Variants in VIT observed in about 807,000 individuals in gnomAD.
VIT encodes vitrin.
A neutral mutation model predicts 78.0 loss-of-function variants in VIT; 99 were observed. The observed-to-expected ratio is 1.27, with a 90% CI of 1.08 to 1.50. VIT has a LOEUF of 1.50. Among genes scored for constraint, VIT ranks in the 40% most tolerant of loss-of-function variants. The probability of loss-of-function intolerance (pLI) is 0.00; values close to 1 mark genes in which losing one functional copy is unlikely to be tolerated. For synonymous variants in VIT, 374 were observed against 334.3 expected, an observed-to-expected ratio of 1.12 and a Z score of -1.29; for missense variants, 1,126 against 875.3, an observed-to-expected ratio of 1.29 and a Z score of -3.61.
chr2:36,763,470 T>G (rs1004500525), intron 6 of VIT, among the ~76,000 whole-genome samples: 8 of 151,968 alleles, frequency 5.3e-5, no homozygotes, highest in Non-Finnish European at 1.2e-4. Flanking sequence ...TTCAAATGGC[T>G]CAAAAAGAAC....
intron 12 of VIT, among the ~76,000 whole-genome samples, chr2:36,791,904 G>A (rs1216419403): frequency 6.6e-6 from 1 of 152,072 alleles, no homozygotes; most frequent in Non-Finnish European, 1.5e-5. Context: ...TGGCAACGAG[G>A]ACCACTCTGT....
chr2:36,702,673 G>A (rs1665138690), intron 1 of VIT, among the ~76,000 whole-genome samples: 1 of 152,114 alleles, frequency 6.6e-6, no homozygotes, highest in Non-Finnish European at 1.5e-5. Context: ...GTACAGGGAG[G>A]AAAGGTGAGA....
intron 6 of VIT, among the ~76,000 whole-genome samples, chr2:36,764,334 T>G (rs1251348040): frequency 2.6e-5 from 4 of 152,202 alleles, no homozygotes; most frequent in Admixed American, 2.6e-4. Context: ...CTAGATGAAG[T>G]AGGTCAAACC....
At chr2:36,812,410 C>T (rs530763509) in intron 15 of VIT, among the ~76,000 whole-genome samples, 17 of 151,194 alleles carry the variant, frequency 1.1e-4, no homozygotes, top group Middle Eastern at 3.4e-3. Context: ...GAAGGTGGCG[C>T]GAGAATAGGC....
At chr2:36,796,084 T>TA (rs1311403504) in intron 12 of VIT, among the ~76,000 whole-genome samples, 1 of 145,510 alleles carries the variant, frequency 6.9e-6, no homozygotes, top group African/African-American at 2.6e-5. Flanking sequence ...AGCCTAAACT[T>TA]ACGAATTCAT....
Position 36,758,201 on chromosome 2 carries a change from T to C in VIT, c.410-768T>C, listed in dbSNP as rs1668882900. Among the ~76,000 whole-genome samples the C allele has an allele frequency of 2.6e-5, 4 of 152,240 alleles. No individual in the cohort carries two copies. In the South Asian group the frequency reaches 8.3e-4, roughly 31 times the overall value. On this transcript the variant is annotated intron_variant, in intron 5 of 15. Coordinates refer to ENST00000379242, the MANE Select transcript of VIT (RefSeq NM_053276.4). ...TATTCCCCCACTGAATAAATACTTCTTGAGCAACTGCTTCACGCCAGGAAC... is the reference window on the plus strand; with the variant it reads ...TATTCCCCCACTGAATAAATACTTCCTGAGCAACTGCTTCACGCCAGGAAC...
chr2:36,756,080 C>A (rs190470678), intron 5 of VIT, among the ~76,000 whole-genome samples: 113 of 151,514 alleles, frequency 7.5e-4, no homozygotes, highest in African/African-American at 2.6e-3. Flanking sequence ...GCCTCAGCCT[C>A]CCGAGTAGCT....
In VIT at chr2:36,785,403, G is replaced by GA. The variant is rs201304788; in HGVS notation, c.911-1716dup. ...ACAATTCACACTGCAAGCCCCGCCA[G>GA]AAAAAAAAAATGAGTTGGCCTTGCT... On this transcript the variant is annotated intron_variant, in intron 11 of 15. Coordinates refer to ENST00000379242, the MANE Select transcript of VIT (RefSeq NM_053276.4). 6.3e-3 allele frequency among the ~76,000 whole-genome samples: 933 copies of GA among 149,208 alleles called. 13 individuals carry two copies. Among genetic ancestry groups the GA allele is most frequent in the African/African-American group, 0.02 (832 of 40,804 alleles).
rs1667938552 is a variant in VIT at position 36,743,192 on chromosome 2, T to C, written c.211T>C (p.Tyr71His). The C allele has an allele frequency of 1.2e-6, 2 of 1,613,928 alleles. No individual in the cohort carries two copies. Among genetic ancestry groups the C allele is most frequent in the Admixed American group, 3.3e-5 (2 of 59,988 alleles). Residue 71 changes from tyrosine (Y) to histidine (H), a missense_variant, in exon 4 of 16, where the codon TAC (tyrosine) becomes CAC (histidine). Physicochemically the swap from Tyr to His is moderately conservative, Grantham distance 83. Transcript: ENST00000379242. ...TCCAGCAGGATGCCAAGACCCCAAA[T>C]ACCATGTTTATGGCACTGACGTGTA... ...KCPAGCQDPK[Y>H]HVYGTDVYAS...
At chr2:36,796,125 AAAAC>A (rs1281963147) in intron 12 of VIT, among the ~76,000 whole-genome samples, 5 of 152,030 alleles carry the variant, frequency 3.3e-5, no homozygotes, top group African/African-American at 1.2e-4. Context: ...AAAAAAAAAA[AAAAC>A]ATAGTGGGCA....
chr2:36,774,429 G>A (rs764566219), intron 8 of VIT: 1 of 908,082 alleles, frequency 1.1e-6, no homozygotes, highest in Non-Finnish European at 1.3e-6. Context: ...GGGTTTGACG[G>A]TTTCCACAAA....
chr2:36,731,691 C>G (rs1207237835), intron 3 of VIT, among the ~76,000 whole-genome samples: 7 of 152,160 alleles, frequency 4.6e-5, no homozygotes, highest in African/African-American at 1.7e-4. Flanking sequence ...ATGGAAAACT[C>G]ACACTCAAAT....
At chr2:36,792,352 A>G (rs1346784649) in intron 12 of VIT, among the ~76,000 whole-genome samples, 1 of 152,166 alleles carries the variant, frequency 6.6e-6, no homozygotes, top group Non-Finnish European at 1.5e-5. Context: ...TGAACTGTGA[A>G]TACAATATGC....
intron 5 of VIT, 121 bp downstream of exon 5, chr2:36,755,175 T>A: frequency 8.9e-7 from 1 of 1,125,486 alleles, no homozygotes; most frequent in Non-Finnish European, 1.2e-6. Context: ...GAAGCATTCG[T>A]TTTTCTGATA....
At chr2:36,699,667 T>TAGATAGAC (rs1301840953) in intron 1 of VIT, among the ~76,000 whole-genome samples, 1 of 151,322 alleles carries the variant, frequency 6.6e-6, no homozygotes, top group Admixed American at 6.6e-5. Flanking sequence ...GATAGATAGA[T>TAGATAGAC]ATGCACACAC....
chr2:36,774,211 A>AT (rs554903694), intron 8 of VIT, among the ~76,000 whole-genome samples: 321 of 151,988 alleles, frequency 2.1e-3, no homozygotes, highest in African/African-American at 7.5e-3. Flanking sequence ...AGGAAAGAGG[A>AT]TTTTTTTTCT....
intron 10 of VIT, among the ~76,000 whole-genome samples, chr2:36,782,526 C>T (rs1326627630): frequency 6.6e-6 from 1 of 152,230 alleles, no homozygotes; most frequent in African/African-American, 2.4e-5. Context: ...TCCGGGGAAT[C>T]CCGGAACTTC....
intron 12 of VIT, among the ~76,000 whole-genome samples, chr2:36,799,737 C>A (rs1293771422): frequency 6.7e-6 from 1 of 149,124 alleles, no homozygotes. Flanking sequence ...AAAAAGTCTT[C>A]TCCTTCTTGA....
At chr2:36,814,066 T>C (rs1286390521) in intron 15 of VIT, 117 bp from the exon 16 acceptor site, 2 of 1,281,390 alleles carry the variant, frequency 1.6e-6, no homozygotes, top group African/African-American at 3.0e-5. Flanking sequence ...TTTTGTTTTG[T>C]TTGGGCATAT....
Sources: allele counts gnomAD v4.1 joint callset (sites outside exome capture counted in the v4.1 genomes callset), GRCh38; gene constraint gnomAD v4.1.1; transcripts MANE v1.5; gene names NCBI Gene and HGNC (gene_info 2026-07-23, HGNC 2026-07-21).